Variants in TFB1M observed in about 807,000 individuals in gnomAD.
TFB1M encodes the protein dimethyladenosine transferase 1, mitochondrial.
Under a neutral mutation model 31.1 loss-of-function variants are expected in TFB1M, and 27 were observed. The ratio of observed to expected loss-of-function variants is 0.87; its 90% CI spans 0.64 to 1.20. The LOEUF is 1.20. TFB1M is among the 50% of genes most tolerant of loss of function. TFB1M has a pLI of 0.00. For synonymous variants in TFB1M, 166 were observed against 151.8 expected, an observed-to-expected ratio of 1.09 and a Z score of -0.69; for missense variants, 394 against 418.7, an observed-to-expected ratio of 0.94 and a Z score of 0.51.
In TFB1M at chr6:155,265,060, A is replaced by G. The variant is rs562227342; in HGVS notation, c.667-4660T>C. The stretch of plus-strand genomic sequence containing the variant: ...ACCTTCCTAAAACTAGGCCTTTTCC[A>G]CAAACCACGCCCTTGGTGTCTGTGA... On this transcript the variant is annotated intron_variant, in intron 5 of 6. Coordinates refer to ENST00000367166, the MANE Select transcript of TFB1M (RefSeq NM_016020.4). Among the ~76,000 whole-genome samples the G allele has an allele frequency of 4.6e-5, 7 of 152,356 alleles. No homozygotes were observed. In the East Asian group the frequency reaches 1.4e-3, roughly 29 times the overall value.
At chr6:155,252,424 A>C (rs552145430), downstream of TFB1M, among the ~76,000 whole-genome samples, 160 of 152,320 alleles carry the variant, frequency 1.1e-3, 1 homozygote, top group African/African-American at 3.8e-3. Flanking sequence ...AGCCTTGATC[A>C]TGCCACTGCA....
chr6:155,284,058 C>T (rs932441236), intron 5 of TFB1M, among the ~76,000 whole-genome samples: 4 of 152,064 alleles, frequency 2.6e-5, no homozygotes, highest in Non-Finnish European at 5.9e-5. Context: ...TCCCTGAGCT[C>T]GATTTAGAAA....
chr6:155,294,562 A>G (rs1777078926), intron 4 of TFB1M, among the ~76,000 whole-genome samples: 1 of 152,208 alleles, frequency 6.6e-6, no homozygotes, highest in Non-Finnish European at 1.5e-5. Flanking sequence ...AACACACAAT[A>G]GTGCCCCATT....
At chr6:155,237,603 T>C in the TFB1M span, among the ~76,000 whole-genome samples, 1 of 152,244 alleles carries the variant, frequency 6.6e-6, no homozygotes, top group Non-Finnish European at 1.5e-5. Context: ...CCATACATTC[T>C]CTGAAATCTA....
the TFB1M span, among the ~76,000 whole-genome samples, chr6:155,234,430 A>G: frequency 5.4e-3 from 824 of 152,312 alleles, 6 homozygotes; most frequent in African/African-American, 0.019. Flanking sequence ...CACCACAGCC[A>G]GCTAATCTTT....
chr6:155,242,007 G>A, the TFB1M span, among the ~76,000 whole-genome samples: 6 of 152,184 alleles, frequency 3.9e-5, no homozygotes, highest in South Asian at 6.2e-4. Context: ...GTTAGGCCAC[G>A]CTGTACTGGG....
the TFB1M span, among the ~76,000 whole-genome samples, chr6:155,234,989 C>T: frequency 7.9e-5 from 12 of 151,544 alleles, no homozygotes; most frequent in African/African-American, 1.5e-4. Context: ...GAGCTAGAGA[C>T]GGAGCACAGC....
chr6:155,297,386 G>A (rs970230063), intron 3 of TFB1M, among the ~76,000 whole-genome samples: 1 of 152,098 alleles, frequency 6.6e-6, no homozygotes, highest in African/African-American at 2.4e-5. Context: ...GTTGGCTTGA[G>A]GAAAAAGAGA....
intron 3 of TFB1M, among the ~76,000 whole-genome samples, 171 bp downstream of exon 3, chr6:155,298,306 T>G (rs888237573): frequency 5.3e-5 from 8 of 152,224 alleles, no homozygotes; most frequent in African/African-American, 1.9e-4. Context: ...CTAGATTTTA[T>G]AATTTGGAAG....
At chr6:155,289,064 G>GC (rs533169000) in intron 4 of TFB1M, among the ~76,000 whole-genome samples, 2 of 150,080 alleles carry the variant, frequency 1.3e-5, no homozygotes, top group Non-Finnish European at 3.0e-5. Context: ...AAGGACAGTG[G>GC]TTTTTTTTTT....
intron 5 of TFB1M, among the ~76,000 whole-genome samples, chr6:155,269,374 TG>T (rs1369989622): frequency 7.0e-6 from 1 of 142,496 alleles, no homozygotes; most frequent in African/African-American, 2.6e-5. Context: ...CAGGCTGGAG[TG>T]CTATGACACG....
intron 6 of TFB1M, among the ~76,000 whole-genome samples, chr6:155,258,847 A>C (rs1418890556): frequency 6.6e-6 from 1 of 152,124 alleles, no homozygotes; most frequent in Non-Finnish European, 1.5e-5. Context: ...TGTCCCCCAC[A>C]CTTTCAGGGT....
intron 4 of TFB1M, among the ~76,000 whole-genome samples, chr6:155,293,442 T>A (rs1176924189): frequency 6.6e-6 from 1 of 152,226 alleles, no homozygotes; most frequent in Non-Finnish European, 1.5e-5. Flanking sequence ...CCATACATTT[T>A]AGCATATGAC....
intron 4 of TFB1M, among the ~76,000 whole-genome samples, chr6:155,295,850 A>T (rs1235229812): frequency 6.6e-6 from 1 of 152,208 alleles, no homozygotes; most frequent in East Asian, 1.9e-4. Flanking sequence ...AATAATGTAG[A>T]GATGATTTAA....
rs1289256782 is a variant in TFB1M at position 155,305,513 on chromosome 6, TTA to T, written c.285+5673_285+5674del. Among the ~76,000 whole-genome samples the T allele has an allele frequency of 5.0e-4, 19 of 38,088 alleles. 5 individuals carry two copies. Among genetic ancestry groups the T allele is most frequent in the African/African-American group, 1.0e-3 (8 of 7,924 alleles). 25.0% of individuals were successfully genotyped at this position (38,088 alleles called of 152,430 possible). ...TATAAATATATATTAAATTATATAT[TTA>T]TATATATATTAAATTATATATTTAT... On this transcript the variant is annotated intron_variant, in intron 2 of 6. Coordinates refer to ENST00000367166, the MANE Select transcript of TFB1M (RefSeq NM_016020.4).
chr6:155,238,812 C>T, the TFB1M span, among the ~76,000 whole-genome samples: 1 of 152,202 alleles, frequency 6.6e-6, no homozygotes. Context: ...TGAGTCTTAC[C>T]TCTTTGTGTA....
chr6:155,285,167 G>T lies in TFB1M; in HGVS notation c.657C>A (p.Pro219=). Residue 219 remains proline, a synonymous_variant, in exon 5 of 7, where the codon CCC becomes CCA. Coordinates refer to ENST00000367166, the MANE Select transcript of TFB1M (RefSeq NM_016020.4). The stretch of plus-strand genomic sequence containing the variant: ...ATAAGCAGAAACTTACCTCTGGTTT[G>T]GGGACAAAAGCTTGTCCTGGAATCG... The part of the protein sequence containing the change: ...IFTIPGQAFV[P]KPEVDVGVVH... 1.2e-6 allele frequency: 2 copies of T among 1,613,890 alleles called. No individual in the cohort carries two copies. The highest frequency in any genetic ancestry group is 2.2e-5 in the South Asian group (2 of 91,046).
chr6:155,260,388 C>A lies in TFB1M; in HGVS notation c.679G>T (p.Val227Leu), dbSNP rs756948388. 7 of 1,614,224 alleles carry A rather than the reference C, an allele frequency of 4.3e-6. No individual in the cohort carries two copies. Among genetic ancestry groups the A allele is most frequent in the Non-Finnish European group, 5.9e-6 (7 of 1,180,026 alleles). The change falls in exon 6 of 7, where the codon GTG becomes TTG. Residue 227 changes from valine (V) to leucine (L), a missense_variant. By Grantham distance (32) the Val-to-Leu change is conservative. Coordinates refer to ENST00000367166, the MANE Select transcript of TFB1M (RefSeq NM_016020.4). ...FVPKPEVDVG[V>L]VHFTPLIQPK... ...TGTATCAAGGGAGTGAAGTGCACCA[C>A]GCCCACGTCCACCTTCGTTGTAAGC...
At chr6:155,297,453 C>G (rs936037615) in intron 3 of TFB1M, among the ~76,000 whole-genome samples, 4 of 152,096 alleles carry the variant, frequency 2.6e-5, no homozygotes, top group African/African-American at 9.7e-5. Flanking sequence ...ATGAAGCTGT[C>G]AGAGGTCAGA....
Sources: gnomAD v4.1 joint callset for allele counts (sites outside exome capture counted in the v4.1 genomes callset) on GRCh38, gnomAD v4.1.1 for gene constraint, MANE v1.5 for transcripts, NCBI Gene and HGNC (gene_info 2026-07-23, HGNC 2026-07-21) for gene names.